NUP214: variants seen among roughly 807,000 people sequenced by gnomAD.
The protein encoded by NUP214 is nuclear pore complex protein Nup214.
In NUP214, 79 loss-of-function variants were observed where a neutral mutation model predicts 196.2. The observed-to-expected ratio is 0.40, with a 90% CI of 0.34 to 0.49. NUP214 has a LOEUF of 0.49. Ranked by LOEUF, NUP214 falls within the 20% of genes least tolerant of loss-of-function variation. NUP214 has a pLI of 0.58. For missense variants in NUP214, 2,468 were observed against 2,539.0 expected (o/e 0.97, Z 0.60); for synonymous variants, 1,020 against 990.5 (o/e 1.03, Z -0.56).
At chr9:131,195,863 T>A (rs551710543) in intron 28 of NUP214, among the ~76,000 whole-genome samples, 1 of 152,146 alleles carries the variant, frequency 6.6e-6, no homozygotes, top group South Asian at 2.1e-4. Context: ...CCGTGTCTAC[T>A]AAAAATACAA....
intron 19 of NUP214, 176 bp downstream of exon 19, chr9:131,163,349 G>C (rs1191046537): frequency 3.4e-6 from 2 of 586,834 alleles, no homozygotes; most frequent in African/African-American, 1.9e-5. Flanking sequence ...AAATGAGGAT[G>C]ACAATACCTG....
At chr9:131,137,333 T>C (rs1831760469) in intron 9 of NUP214, among the ~76,000 whole-genome samples, 1 of 152,184 alleles carries the variant, frequency 6.6e-6, no homozygotes, top group Non-Finnish European at 1.5e-5. Context: ...CATTTTCTTA[T>C]AATGCTGCCA....
At chr9:131,156,130 C>CTTT (rs71389397) in intron 17 of NUP214, among the ~76,000 whole-genome samples, 2 of 70,874 alleles carry the variant, frequency 2.8e-5, no homozygotes, top group African/African-American at 5.6e-5. Context: ...GTATTTCTGT[C>CTTT]TTTTTTTTTT....
At chr9:131,164,936 C>A (rs576772454) in intron 21 of NUP214, among the ~76,000 whole-genome samples, 4 of 152,022 alleles carry the variant, frequency 2.6e-5, no homozygotes, top group African/African-American at 9.6e-5. Flanking sequence ...TTTTTTATGC[C>A]AATAACAAAT....
intron 32 of NUP214, among the ~76,000 whole-genome samples, chr9:131,224,444 G>C (rs1834670558): frequency 6.6e-6 from 1 of 152,174 alleles, no homozygotes; most frequent in African/African-American, 2.4e-5. Context: ...GCTTTTTAAA[G>C]CAAACTCCCC....
rs996737134 is a variant in NUP214 at position 131,146,872 on chromosome 9, G to A, written c.1945+568G>A. Among the ~76,000 whole-genome samples the A allele has an allele frequency of 2.6e-5, 4 of 151,970 alleles. No individual in the cohort carries two copies. The highest frequency in any genetic ancestry group is 5.9e-5 in the Non-Finnish European group (4 of 67,976). On this transcript the variant is annotated intron_variant, in intron 13 of 35. Coordinates refer to ENST00000359428, the MANE Select transcript of NUP214 (RefSeq NM_005085.4). This position sits in a 1 kb window ranked among gnomAD's most constrained non-coding sequence, Gnocchi z 4.6. ...TTGAACCTAGGAGGCAGAGATTGCA[G>A]GGAGTCGAGATCACGCCACTGCTCT...
chr9:131,171,297 A>C (rs527616594), intron 21 of NUP214, among the ~76,000 whole-genome samples: 4 of 152,352 alleles, frequency 2.6e-5, no homozygotes, highest in East Asian at 1.9e-4. Context: ...TTCATGTTAC[A>C]TAGGACCTTG....
At chr9:131,136,841 G>T (rs966092463) in intron 9 of NUP214, 1 of 152,210 alleles carries the variant, frequency 6.6e-6, no homozygotes, top group African/African-American at 2.4e-5. Flanking sequence ...AGGGCACAAC[G>T]AAAGAAGGGA....
At chr9:131,205,299 G>A (rs942982785) in intron 30 of NUP214, among the ~76,000 whole-genome samples, 2 of 152,082 alleles carry the variant, frequency 1.3e-5, no homozygotes, top group Non-Finnish European at 2.9e-5. Flanking sequence ...AGTTCAAAAA[G>A]AAAGACAGCT....
intron 24 of NUP214, among the ~76,000 whole-genome samples, chr9:131,179,903 T>C (rs993902053): frequency 6.6e-6 from 1 of 152,218 alleles, no homozygotes; most frequent in Non-Finnish European, 1.5e-5. Flanking sequence ...GTTTGGGAAT[T>C]GTAGCCAGAT....
At chr9:131,208,713 A>G (rs912122188) in intron 30 of NUP214, among the ~76,000 whole-genome samples, 1 of 144,752 alleles carries the variant, frequency 6.9e-6, no homozygotes, top group Non-Finnish European at 1.5e-5. Flanking sequence ...AAACAAAACA[A>G]AAACAAAAGG....
intron 19 of NUP214, among the ~76,000 whole-genome samples, chr9:131,163,534 C>G (rs1203485596): frequency 1.3e-5 from 2 of 152,126 alleles, no homozygotes; most frequent in Non-Finnish European, 2.9e-5. Context: ...ATTTGCCATT[C>G]TGCTTGAATG....
chr9:131,223,607 A>G (rs1238067465), intron 32 of NUP214, among the ~76,000 whole-genome samples: 1 of 151,206 alleles, frequency 6.6e-6, no homozygotes, highest in African/African-American at 2.4e-5. Flanking sequence ...TGAGTCATGG[A>G]TTTGTTGGGG....
At chr9:131,220,876 T>G (rs992494552) in intron 31 of NUP214, among the ~76,000 whole-genome samples, 1 of 152,220 alleles carries the variant, frequency 6.6e-6, no homozygotes, top group Non-Finnish European at 1.5e-5. Context: ...GCCCAAAGAC[T>G]TCTAAATGAT....
intron 27 of NUP214, among the ~76,000 whole-genome samples, chr9:131,192,992 T>C (rs1311314421): frequency 7.2e-6 from 1 of 139,614 alleles, no homozygotes; most frequent in Non-Finnish European, 1.5e-5. Flanking sequence ...GAGAGTACAG[T>C]ATACTAAACT....
rs188377740 is a variant in NUP214 at position 131,156,560 on chromosome 9, T to G, written c.2437-2823T>G. ...CCTTGGTTAGGTATATTCCTAAGTTTTTTTTTTTTTGTTCTTTTTTTTTTT... is the reference window on the plus strand; with the variant it reads ...CCTTGGTTAGGTATATTCCTAAGTTGTTTTTTTTTTGTTCTTTTTTTTTTT... On this transcript the variant is annotated intron_variant, in intron 17 of 35. Coordinates refer to ENST00000359428, the MANE Select transcript of NUP214 (RefSeq NM_005085.4). Among the ~76,000 whole-genome samples the G allele has an allele frequency of 2.4e-3, 361 of 152,096 alleles. 4 individuals carry two copies. Among genetic ancestry groups the G allele is most frequent in the African/African-American group, 8.0e-3 (333 of 41,534 alleles).
intron 6 of NUP214, 92 bp downstream of exon 6, chr9:131,132,751 G>A: frequency 9.2e-7 from 1 of 1,083,300 alleles, no homozygotes; most frequent in Non-Finnish European, 1.4e-6. Context: ...TGCTCAGTGA[G>A]GTATTGGTGT....
In NUP214 at chr9:131,226,202, C is replaced by T. The variant is rs1181895631; in HGVS notation, c.5903-1958C>T. On this transcript the variant is annotated intron_variant, in intron 32 of 35. Coordinates refer to ENST00000359428, the MANE Select transcript of NUP214 (RefSeq NM_005085.4). ...GATTTAAGAAAACTGCTGTGAAGCA[C>T]CTGGCATATAGTGGGCCCTCAATAA... is the stretch of plus-strand genomic sequence containing the variant. 2.0e-5 allele frequency among the ~76,000 whole-genome samples: 3 copies of T among 152,164 alleles called. No individual in the cohort carries two copies. In the East Asian group the frequency reaches 5.8e-4, roughly 29 times the overall value.
At chr9:131,218,183 G>C (rs140896651) in intron 31 of NUP214, among the ~76,000 whole-genome samples, 37 of 152,332 alleles carry the variant, frequency 2.4e-4, no homozygotes, top group African/African-American at 7.7e-4. Flanking sequence ...AGGAGTAGAG[G>C]AAACACTTAA....
Sources: gnomAD v4.1 joint callset for allele counts (sites outside exome capture counted in the v4.1 genomes callset) on GRCh38, gnomAD v4.1.1 for gene constraint, Gnocchi (gnomAD v3.1) non-coding constraint, MANE v1.5 for transcripts, NCBI Gene and HGNC (gene_info 2026-07-23, HGNC 2026-07-21) for gene names.